Variants in UTRN observed in about 807,000 individuals in gnomAD.
UTRN encodes utrophin, also known as dystrophin-related protein 1.
A neutral mutation model predicts 463.9 loss-of-function variants in UTRN; 283 were observed. That is an observed-to-expected ratio of 0.61 (90% CI 0.55 to 0.67). The LOEUF is 0.67. Ranked by LOEUF, UTRN falls within the 30% of genes least tolerant of loss-of-function variation. The probability of loss-of-function intolerance (pLI) is 0.00; values close to 1 mark genes in which losing one functional copy is unlikely to be tolerated. For synonymous variants in UTRN, 1,442 were observed against 1,431.5 expected (o/e 1.01, Z -0.17); for missense variants, 3,922 against 4,084.3 (o/e 0.96, Z 1.08).
At chr6:144,543,624 C>T (rs556229926) in intron 46 of UTRN, among the ~76,000 whole-genome samples, 1 of 152,222 alleles carries the variant, frequency 6.6e-6, no homozygotes, top group South Asian at 2.1e-4. Context: ...TGTCCTTCTC[C>T]TCCTCCTTGA....
At chr6:144,388,207 CTG>C (rs963540026) in intron 2 of UTRN, among the ~76,000 whole-genome samples, 1 of 152,178 alleles carries the variant, frequency 6.6e-6, no homozygotes, top group African/African-American at 2.4e-5. Context: ...AAGTGAAGCA[CTG>C]TGTATATTCT....
rs1484423560 is a variant in UTRN, at chr6:144,836,498, A to G, written c.10022A>G (p.Gln3341Arg). 1.2e-6 allele frequency: 2 copies of G among 1,613,834 alleles called. No individual in the cohort carries two copies. The highest frequency in any genetic ancestry group is 1.7e-5 in the Admixed American group (1 of 59,986). ...RMQILEDHNK[Q>R]LESQLHRLRQ... ...CAGATTTTAGAAGATCACAATAAAC[A>G]GCTGGAGTCTCAGCTCCACCGCCTC... The change falls in exon 71 of 75, where the codon CAG becomes CGG. Residue 3341 changes from glutamine to arginine, a missense_variant. Coordinates refer to ENST00000367545, the MANE Select transcript of UTRN (RefSeq NM_007124.3).
chr6:144,684,102 T>G (rs969059188), intron 52 of UTRN, among the ~76,000 whole-genome samples: 1 of 149,804 alleles, frequency 6.7e-6, no homozygotes, highest in Admixed American at 6.7e-5. Context: ...CAGGCTGGAG[T>G]GCAGTGGCAC....
rs1412539614 is a variant in UTRN at position 144,738,988 on chromosome 6, A to G, written c.7939+8502A>G. ...GTGTATGTGTGTATGTGCATATACA[A>G]CTTTATATAGTTGTGTATGAATGTA... On this transcript the variant is annotated intron_variant, in intron 54 of 74. Transcript: ENST00000367545. Among the ~76,000 whole-genome samples, 7 of 152,272 alleles carry G rather than the reference A, an allele frequency of 4.6e-5. No individual in the cohort carries two copies. The East Asian group carries it at 1.2e-3, about 25-fold the overall frequency.
At chr6:144,832,056 A>C (rs1428728932) in intron 69 of UTRN, among the ~76,000 whole-genome samples, 3 of 152,178 alleles carry the variant, frequency 2.0e-5, no homozygotes, top group African/African-American at 7.2e-5. Flanking sequence ...CCATCTAATG[A>C]TATTTCCTTG....
At chr6:144,423,891 C>T (rs1485306021) in intron 5 of UTRN, 95 bp from the exon 6 acceptor site, 6 of 1,248,164 alleles carry the variant, frequency 4.8e-6, no homozygotes, top group Non-Finnish European at 6.9e-6. Flanking sequence ...CTCACTTATA[C>T]TGCTGTCCAA....
chr6:144,566,414 G>A (rs1365615950), intron 50 of UTRN, among the ~76,000 whole-genome samples: 1 of 152,150 alleles, frequency 6.6e-6, no homozygotes, highest in Non-Finnish European at 1.5e-5. Context: ...CTCTTTAATA[G>A]CATTCATCTA....
intron 50 of UTRN, among the ~76,000 whole-genome samples, chr6:144,566,004 T>G: frequency 6.6e-6 from 1 of 152,032 alleles, no homozygotes; most frequent in Non-Finnish European, 1.5e-5. Context: ...GATGATTAAA[T>G]GCAGAGGGGA....
At chr6:144,547,658 A>G (rs781127038) in intron 46 of UTRN, among the ~76,000 whole-genome samples, 1 of 152,116 alleles carries the variant, frequency 6.6e-6, no homozygotes, top group Non-Finnish European at 1.5e-5. Context: ...CCACCTACAC[A>G]TTGTGACTCT....
chr6:144,547,725 A>G (rs552313941), intron 46 of UTRN, among the ~76,000 whole-genome samples: 1 of 152,324 alleles, frequency 6.6e-6, no homozygotes, highest in Admixed American at 6.5e-5. Flanking sequence ...GTTAATAATT[A>G]TTAGCTAAAT....
intron 50 of UTRN, among the ~76,000 whole-genome samples, chr6:144,560,358 C>T (rs184459492): frequency 1.9e-4 from 29 of 152,154 alleles, no homozygotes; most frequent in East Asian, 5.8e-4. Context: ...TCTGTAATTC[C>T]GCTTACTGAT....
At chr6:144,565,459 A>G (rs958783010) in intron 50 of UTRN, among the ~76,000 whole-genome samples, 1 of 152,174 alleles carries the variant, frequency 6.6e-6, no homozygotes. Flanking sequence ...AGGAGTGAAG[A>G]TGAAGAAGAG....
chr6:144,808,069 G>A (rs1051268872), intron 65 of UTRN, among the ~76,000 whole-genome samples: 9 of 151,994 alleles, frequency 5.9e-5, no homozygotes, highest in African/African-American at 2.2e-4. Context: ...ACACACACAC[G>A]CAGTTAGCAC....
chr6:144,432,831 G>A (rs1400898811), intron 9 of UTRN, among the ~76,000 whole-genome samples: 1 of 152,138 alleles, frequency 6.6e-6, no homozygotes, highest in Non-Finnish European at 1.5e-5. Context: ...AGGACCCTGC[G>A]GCCTTCCGCA....
At chr6:144,358,159 G>A (rs1444988047) in intron 2 of UTRN, among the ~76,000 whole-genome samples, 2 of 152,154 alleles carry the variant, frequency 1.3e-5, no homozygotes, top group African/African-American at 2.4e-5. Flanking sequence ...TTTAAGAAAC[G>A]TTCAGTAAAT....
chr6:144,337,056 ACAGCTGC>A (rs1231265644), intron 2 of UTRN, among the ~76,000 whole-genome samples: 1 of 152,112 alleles, frequency 6.6e-6, no homozygotes, highest in African/African-American at 2.4e-5. Flanking sequence ...TGGGTTCCAG[ACAGCTGC>A]CACTTCTGTT....
intron 51 of UTRN, among the ~76,000 whole-genome samples, chr6:144,657,640 T>A (rs1779460832): frequency 6.6e-6 from 1 of 152,180 alleles, no homozygotes. Context: ...CAATAACATA[T>A]CATTCTTGTC....
At chr6:144,369,426 G>T (rs1204679297) in intron 2 of UTRN, among the ~76,000 whole-genome samples, 3 of 152,180 alleles carry the variant, frequency 2.0e-5, no homozygotes, top group Non-Finnish European at 4.4e-5. Flanking sequence ...AGACCATCCT[G>T]GCCAACATGG....
chr6:144,327,347 A>T (rs184095846), intron 2 of UTRN, among the ~76,000 whole-genome samples: 3 of 152,270 alleles, frequency 2.0e-5, no homozygotes, highest in African/African-American at 7.2e-5. Flanking sequence ...AATTTGTGTA[A>T]AAGAAATGCT....
Sources: gnomAD v4.1 joint callset for allele counts (sites outside exome capture counted in the v4.1 genomes callset) on GRCh38, gnomAD v4.1.1 for gene constraint, MANE v1.5 for transcripts, NCBI Gene and HGNC (gene_info 2026-07-23, HGNC 2026-07-21) for gene names.